Variants in COMMD10 observed in about 807,000 individuals in gnomAD.
COMMD10 encodes COMM domain-containing protein 10.
In COMMD10, 33 loss-of-function variants were observed where a neutral mutation model predicts 28.9. The observed-to-expected ratio is 1.14, with a 90% CI of 0.87 to 1.53. COMMD10 has a LOEUF of 1.53. Among genes scored for constraint, COMMD10 ranks in the 40% most tolerant of loss-of-function variants. The probability of loss-of-function intolerance (pLI) is 0.00; values close to 1 mark genes in which losing one functional copy is unlikely to be tolerated. For missense variants in COMMD10, 310 were observed against 233.4 expected (o/e 1.33, Z -2.14); for synonymous variants, 110 against 81.7 (o/e 1.35, Z -1.87).
chr5:116,159,954 A>G (rs1444750198), intron 5 of COMMD10, among the ~76,000 whole-genome samples: 4 of 152,210 alleles, frequency 2.6e-5, no homozygotes, highest in East Asian at 1.9e-4. Context: ...GATTGTTCCA[A>G]TAACATTGTA....
At chr5:116,219,694 G>C (rs905106488) in intron 5 of COMMD10, among the ~76,000 whole-genome samples, 1 of 152,092 alleles carries the variant, frequency 6.6e-6, no homozygotes, top group Non-Finnish European at 1.5e-5. Context: ...ATTTCTTTTT[G>C]TTTAAGCTAT....
intron 5 of COMMD10, among the ~76,000 whole-genome samples, chr5:116,279,864 AC>A (rs1228904827): frequency 1.3e-5 from 2 of 151,754 alleles, no homozygotes; most frequent in East Asian, 1.9e-4. Context: ...ACAGTGTGAC[AC>A]CCCATCCGCT....
intron 4 of COMMD10, among the ~76,000 whole-genome samples, chr5:116,121,681 G>A (rs899342202): frequency 1.3e-5 from 2 of 152,150 alleles, no homozygotes; most frequent in African/African-American, 4.8e-5. Flanking sequence ...ATTCTAACTG[G>A]CATGAGATGG....
intron 4 of COMMD10, among the ~76,000 whole-genome samples, chr5:116,126,478 G>C (rs1751644635): frequency 6.6e-6 from 1 of 152,132 alleles, no homozygotes; most frequent in South Asian, 2.1e-4. Context: ...TCAATCCTAA[G>C]CAAAAAGAAC....
chr5:116,155,163 C>G (rs547279928), intron 5 of COMMD10, among the ~76,000 whole-genome samples: 39 of 152,200 alleles, frequency 2.6e-4, no homozygotes, highest in Non-Finnish European at 1.9e-4. Flanking sequence ...CACTCTAGGG[C>G]TTACACTTTT....
intron 5 of COMMD10, among the ~76,000 whole-genome samples, chr5:116,171,937 G>T (rs1039531044): frequency 6.6e-6 from 1 of 152,094 alleles, no homozygotes; most frequent in African/African-American, 2.4e-5. Context: ...TAACAAATCT[G>T]CATGTTCTGC....
At chr5:116,188,999 C>T (rs1748250837) in intron 5 of COMMD10, among the ~76,000 whole-genome samples, 2 of 152,170 alleles carry the variant, frequency 1.3e-5, no homozygotes, top group South Asian at 2.1e-4. Context: ...ACATTTGCCA[C>T]CTAATTCCTT....
At chr5:116,222,296 A>G (rs1468818994) in intron 5 of COMMD10, among the ~76,000 whole-genome samples, 1 of 152,236 alleles carries the variant, frequency 6.6e-6, no homozygotes, top group African/African-American at 2.4e-5. Context: ...AGTTTTGACT[A>G]TTGGAATTAA....
intron 5 of COMMD10, among the ~76,000 whole-genome samples, chr5:116,160,128 C>T (rs1752869001): frequency 1.3e-5 from 2 of 152,084 alleles, no homozygotes; most frequent in African/African-American, 4.8e-5. Context: ...GCCCATTTGC[C>T]TCCTTTACTA....
intron 4 of COMMD10, among the ~76,000 whole-genome samples, chr5:116,124,645 ATCTG>A (rs1561615370): frequency 1.3e-5 from 2 of 152,074 alleles, no homozygotes; most frequent in African/African-American, 4.8e-5. Flanking sequence ...TGTCTCATTG[ATCTG>A]TCTAATTTTA....
At chr5:116,187,537 GAA>G (rs1289792967) in intron 5 of COMMD10, among the ~76,000 whole-genome samples, 3 of 152,048 alleles carry the variant, frequency 2.0e-5, no homozygotes, top group Non-Finnish European at 4.4e-5. Flanking sequence ...CTGTAACAAA[GAA>G]GAGTGATTTG....
intron 5 of COMMD10, among the ~76,000 whole-genome samples, chr5:116,257,486 G>A (rs1449248782): frequency 6.6e-6 from 1 of 151,574 alleles, no homozygotes; most frequent in Non-Finnish European, 1.5e-5. Flanking sequence ...AAATGCATAG[G>A]AGGGCATTTT....
At chr5:116,181,523 T>A (rs965316045) in intron 5 of COMMD10, among the ~76,000 whole-genome samples, 4 of 151,328 alleles carry the variant, frequency 2.6e-5, no homozygotes, top group East Asian at 3.9e-4. Flanking sequence ...TAGATTTTTT[T>A]AAAAAGTATG....
chr5:116,155,695 T>C (rs1752683502), intron 5 of COMMD10, among the ~76,000 whole-genome samples: 1 of 152,066 alleles, frequency 6.6e-6, no homozygotes, highest in Admixed American at 6.6e-5. Flanking sequence ...TCCATATGTG[T>C]TGATTGTGAT....
chr5:116,148,993 C>T (rs957948821), intron 5 of COMMD10, among the ~76,000 whole-genome samples: 1 of 105,572 alleles, frequency 9.5e-6, no homozygotes, highest in Non-Finnish European at 1.8e-5. Context: ...TAAAGCTATC[C>T]CTCCCCCCTC....
Position 116,091,166 on chromosome 5 carries a change from A to T in COMMD10, c.220A>T (p.Thr74Ser). 6.2e-7 allele frequency: 1 copy of T among 1,601,748 alleles called. No homozygotes were observed. The highest frequency in any genetic ancestry group is 8.5e-7 in the Non-Finnish European group (1 of 1,171,288). Residue 74 changes from threonine (T) to serine (S), a missense_variant, in exon 3 of 7, where the codon ACA becomes TCA. Coordinates refer to ENST00000274458, the MANE Select transcript of COMMD10 (RefSeq NM_016144.4). ...EKQDLHLVLE[T>S]ISFILEQAVY... is the part of the protein sequence containing the mutation. ...ACAAGATCTTCACCTAGTTCTTGAA[A>T]CAATATCATTTATTTTAGAACAGGT...
chr5:116,260,789 AT>A (rs139729776), intron 5 of COMMD10, among the ~76,000 whole-genome samples: 3,339 of 151,862 alleles, frequency 0.022, 176 homozygotes, highest in African/African-American at 0.076. Flanking sequence ...AATTTGTCAT[AT>A]TTTTTATAAT....
At chr5:116,176,697 AATT>A (rs1440369892) in intron 5 of COMMD10, among the ~76,000 whole-genome samples, 1 of 151,944 alleles carries the variant, frequency 6.6e-6, no homozygotes, top group African/African-American at 2.4e-5. Context: ...TTTCTCATTT[AATT>A]ATTATTTTTA....
chr5:116,268,553 A>C (rs1303793784), intron 5 of COMMD10, among the ~76,000 whole-genome samples: 1 of 151,938 alleles, frequency 6.6e-6, no homozygotes, highest in African/African-American at 2.4e-5. Context: ...CGATTCCTCA[A>C]GGATCTAGAA....
Sources: gnomAD v4.1 joint callset for allele counts (sites outside exome capture counted in the v4.1 genomes callset) on GRCh38, gnomAD v4.1.1 for gene constraint, MANE v1.5 for transcripts, NCBI Gene and HGNC (gene_info 2026-07-23, HGNC 2026-07-21) for gene names.